The following KMT2D variants were observed in gnomAD, a reference collection of about 807,000 sequenced individuals.
The protein encoded by KMT2D is histone-lysine N-methyltransferase 2D.
KMT2D carries 55 observed loss-of-function variants against 512.7 expected under a neutral mutation model. The ratio of observed to expected loss-of-function variants is 0.11; its 90% confidence interval spans 0.09 to 0.13. KMT2D has a LOEUF of 0.13. Among genes scored for constraint, KMT2D ranks in the 10% least tolerant of loss-of-function variants. The pLI, the probability that KMT2D is intolerant of heterozygous loss-of-function variation, is 1.00. For synonymous variants in KMT2D, 2,995 were observed against 2,904.0 expected, an observed-to-expected ratio of 1.03 and a Z score of -1.01; for missense variants, 6,061 against 7,127.9, an observed-to-expected ratio of 0.85 and a Z score of 5.39.
intron 13 of KMT2D, 77 bp from the exon 14 acceptor site, chr12:49,048,846 G>A: frequency 1.0e-6 from 1 of 988,892 alleles, no homozygotes; most frequent in Non-Finnish European, 1.5e-6. Flanking sequence ...TGGTGTTGGG[G>A]GAAGAAAGTG....
chr12:49,040,022 G>T lies in KMT2D; in HGVS notation c.7748C>A (p.Ala2583Asp), dbSNP rs1330818551. 18 of 1,613,740 alleles carry T rather than the reference G, an allele frequency of 1.1e-5. No individual in the cohort carries two copies. Among genetic ancestry groups the T allele is most frequent in the Non-Finnish European group, 1.4e-5 (17 of 1,179,758 alleles). The part of the protein sequence containing the change: ...GKPQSTNYTV[A>D]TGNFHPSGSP... ...GCCCGATGGGTGGAAGTTCCCTGTG[G>T]CTACTGTGTAGTTTGTGCTTTGAGG... The change falls in exon 32 of 55, where the codon GCC becomes GAC. Residue 2583 changes from alanine (A) to aspartate (D), a missense_variant. Ala to Asp is a moderately radical substitution (Grantham distance 126). Transcript: ENST00000301067.
Position 49,019,058 on chromosome 12 carries a change from C to T in KMT2D, c.*2722G>A, listed in dbSNP as rs1164634558. 62 of 1,350,402 alleles carry T rather than the reference C, an allele frequency of 4.6e-5. No individual in the cohort carries two copies. The highest frequency in any genetic ancestry group is 5.7e-5 in the Non-Finnish European group (60 of 1,050,238). 83.7% of individuals were successfully genotyped at this position (1,350,402 alleles called of 1,614,324 possible). ...AATCCAAAACTTGCCCTTTGCCTCT[C>T]GCAACATAAATATGTACAGTTCAGA... On this transcript the variant is annotated 3_prime_UTR_variant, in exon 55 of 55. Transcript: ENST00000301067.
chr12:49,051,904 T>C lies in KMT2D; in HGVS notation c.1779A>G (p.Pro593=), dbSNP rs886042877. ...GTGGGAACAGACGAGATGCCTCCGGTGGTGGAGACATGGGTGACTCTTCAG... is the reference window on the plus strand; with the variant it reads ...GTGGGAACAGACGAGATGCCTCCGGCGGTGGAGACATGGGTGACTCTTCAG... The part of the protein sequence containing the change: ...PPPEESPMSP[P]PEASRLFPPF... Residue 593 remains proline, a synonymous_variant, in exon 11 of 55, where the codon CCA becomes CCG. Transcript: ENST00000301067. 1 of 1,610,862 alleles carries C rather than the reference T, an allele frequency of 6.2e-7. No individual in the cohort carries two copies. Among genetic ancestry groups the C allele is most frequent in the Admixed American group, 1.7e-5 (1 of 59,810 alleles).
chr12:49,035,997 C>T (rs1943196386), intron 35 of KMT2D: 1 of 152,240 alleles, frequency 6.6e-6, no homozygotes, highest in South Asian at 2.1e-4. Flanking sequence ...AGTTACTTAA[C>T]CTCCACTTCT....
Position 49,041,582 on chromosome 12 carries a change from G to A in KMT2D, c.6235-47C>T, listed in dbSNP as rs1299603728. 2 of 1,612,320 alleles carry A rather than the reference G, an allele frequency of 1.2e-6. No individual in the cohort carries two copies. Among genetic ancestry groups the A allele is most frequent in the Non-Finnish European group, 1.7e-6 (2 of 1,179,120 alleles). On this transcript the variant is annotated intron_variant, in intron 31 of 54. Coordinates refer to ENST00000301067, the MANE Select transcript of KMT2D (RefSeq NM_003482.4). The surrounding 1 kb of genome is among the most constrained non-coding windows in gnomAD (Gnocchi z 5.4). ...AGGGCAGTCAGGCTGCTGCAGGCAGGCCCCATGGCCCTCCACCCTCAAGAG... is the reference window on the plus strand; with the variant it reads ...AGGGCAGTCAGGCTGCTGCAGGCAGACCCCATGGCCCTCCACCCTCAAGAG...
Position 49,041,449 on chromosome 12 carries a change from G to A in KMT2D, c.6321C>T (p.Pro2107=), listed in dbSNP as rs1031804783. Residue 2107 remains proline, a synonymous_variant, in exon 32 of 55, where the codon CCC becomes CCT. Transcript: ENST00000301067. The surrounding 1 kb of genome is among the most constrained non-coding windows in gnomAD (Gnocchi z 5.4). ...TDRPALHLRI[P]PQPGALGSPP... The stretch of plus-strand genomic sequence containing the variant: ...GGCTGCCCAGTGCCCCTGGCTGCGG[G>A]GGAATGCGGAGATGTAGGGCCGGTC... 6 of 1,612,786 alleles carry A rather than the reference G, an allele frequency of 3.7e-6. No individual in the cohort carries two copies. The African/African-American group carries it at 6.7e-5, about 18-fold the overall frequency.
At chr12:49,025,809 C>T (rs1211912577) in intron 49 of KMT2D, among the ~76,000 whole-genome samples, 1 of 152,170 alleles carries the variant, frequency 6.6e-6, no homozygotes, top group East Asian at 1.9e-4. Flanking sequence ...ATCATTAACA[C>T]TAAAACTAAA....
chr12:49,049,289 G>A (rs1937770342), intron 12 of KMT2D, 71 bp from the exon 13 acceptor site: 1 of 974,946 alleles, frequency 1.0e-6, no homozygotes, highest in Non-Finnish European at 1.5e-6. Flanking sequence ...CACTTGAACA[G>A]AAGAAGTGAC....
chr12:49,022,883 G>A lies in KMT2D; in HGVS notation c.16053-8C>T, dbSNP rs1942393794. 5 of 1,577,488 alleles carry A rather than the reference G, an allele frequency of 3.2e-6. No individual in the cohort carries two copies. Among genetic ancestry groups the A allele is most frequent in the Non-Finnish European group, 4.3e-6 (5 of 1,158,722 alleles). On this transcript the variant is annotated splice_polypyrimidine_tract_variant and splice_region_variant and intron_variant, in intron 51 of 54. Coordinates refer to ENST00000301067, the MANE Select transcript of KMT2D (RefSeq NM_003482.4). The surrounding 1 kb of genome is among the most constrained non-coding windows in gnomAD (Gnocchi z 8.6). ...CTGTTCAGGGTATGGGGCCTGGGAG[G>A]TGATATAATCCATGACAAGACAGCT...
In KMT2D at chr12:49,037,693, G is replaced by A. The variant is rs1943288459; in HGVS notation, c.9663C>T (p.Thr3221=). ...EKFELESGAL[T]LPGGPAASGD... ...CAGATGCTGCAGGTCCACCAGGCAAGGTCAAAGCCCCACTCTCGAGCTCAA... is the reference window on the plus strand; with the variant it reads ...CAGATGCTGCAGGTCCACCAGGCAAAGTCAAAGCCCCACTCTCGAGCTCAA... The change falls in exon 35 of 55, where the codon ACC becomes ACT. Residue 3221 remains threonine (T), a synonymous_variant. Coordinates refer to ENST00000301067, the MANE Select transcript of KMT2D (RefSeq NM_003482.4). 1.9e-6 allele frequency: 3 copies of A among 1,586,126 alleles called. No individual in the cohort carries two copies. The African/African-American group carries it at 4.0e-5, about 21-fold the overall frequency.
Position 49,044,971 on chromosome 12 carries a change from TAAGAGGA to T in KMT2D, c.4742-13_4742-7del. ...GAAGCGAAAGTACTGGGGCTCTGCATAAGAGGAAAGAGTATGTGATCCCTGGATGGAA... is the reference window on the plus strand; with the variant it reads ...GAAGCGAAAGTACTGGGGCTCTGCATAAGAGTATGTGATCCCTGGATGGAA... On this transcript the variant is annotated splice_region_variant and splice_polypyrimidine_tract_variant and intron_variant, in intron 19 of 54. Coordinates refer to ENST00000301067, the MANE Select transcript of KMT2D (RefSeq NM_003482.4). This position sits in a 1 kb window ranked among gnomAD's most constrained non-coding sequence, Gnocchi z 6.4. 6.2e-7 allele frequency: 1 copy of T among 1,611,546 alleles called. No individual in the cohort carries two copies. Among genetic ancestry groups the T allele is most frequent in the Non-Finnish European group, 8.5e-7 (1 of 1,177,720 alleles).
At chr12:49,030,214 G>A in intron 43 of KMT2D, 66 bp downstream of exon 43, 6 of 1,388,946 alleles carry the variant, frequency 4.3e-6, no homozygotes, top group Non-Finnish European at 6.0e-6. Context: ...AAACTGTACA[G>A]CATACTAACT....
rs1187662303 is a variant in KMT2D at position 49,023,224 on chromosome 12, C to A, written c.16053-349G>T. 3.3e-5 allele frequency among the ~76,000 whole-genome samples: 5 copies of A among 152,178 alleles called. No homozygotes were observed. In the East Asian group the frequency reaches 7.7e-4, roughly 23 times the overall value. On this transcript the variant is annotated intron_variant, in intron 51 of 54. Coordinates refer to ENST00000301067, the MANE Select transcript of KMT2D (RefSeq NM_003482.4). Reference sequence around the variant, plus strand: ...CTGCCAAACCATTCTCAAGGCCATGCTCCTCTGGGAAGTTTTCCGCAAGCA... The same window carrying A: ...CTGCCAAACCATTCTCAAGGCCATGATCCTCTGGGAAGTTTTCCGCAAGCA...
At chr12:49,053,455 C>T (rs764010033) in intron 7 of KMT2D, 21 bp downstream of exon 7, 10 of 1,610,734 alleles carry the variant, frequency 6.2e-6, no homozygotes, top group African/African-American at 2.7e-5. Flanking sequence ...TAAGACTTTC[C>T]TCCTGCCCTT....
In KMT2D at chr12:49,034,063, C is replaced by T. The variant is rs749084376; in HGVS notation, c.10740+4G>A. ...GTGCTAGGCTGAAGTTTGCTTTCCC[C>T]CACCTGATCCAGTTGTTTCTGGATC... On this transcript the variant is annotated splice_donor_region_variant and intron_variant, in intron 39 of 54. Transcript: ENST00000301067. 1 of 1,610,882 alleles carries T rather than the reference C, an allele frequency of 6.2e-7. No homozygotes were observed. Among genetic ancestry groups the T allele is most frequent in the Admixed American group, 1.7e-5 (1 of 59,834 alleles).
Position 49,019,414 on chromosome 12 carries a change from T to C in KMT2D, c.*2366A>G, listed in dbSNP as rs1942191902. ...TGATGCAATTATACAGGCAGGGTAC[T>C]TAAAAAAAAAACCAACCAAAATTCC... On this transcript the variant is annotated 3_prime_UTR_variant, in exon 55 of 55. Transcript: ENST00000301067. The C allele has an allele frequency of 4.6e-6, 1 of 219,446 alleles. No homozygotes were observed. Among genetic ancestry groups the C allele is most frequent in the East Asian group, 6.6e-5 (1 of 15,056 alleles). 13.6% of individuals were successfully genotyped at this position (219,446 alleles called of 1,614,324 possible).
Position 49,046,373 on chromosome 12 carries a change from T to C in KMT2D, c.4470A>G (p.Glu1490=), listed in dbSNP as rs769291920. The part of the protein sequence containing the change: ...CGAASPGFHC[E]WQNSYTHCGP... Reference sequence around the variant, plus strand: ...CACAGTGTGTGTAACTATTCTGCCATTCACAGTGGAAGCCAGGGGAAGCAG... The same window carrying C: ...CACAGTGTGTGTAACTATTCTGCCACTCACAGTGGAAGCCAGGGGAAGCAG... Residue 1490 remains glutamate, a synonymous_variant, in exon 17 of 55, where the codon GAA becomes GAG. Coordinates refer to ENST00000301067, the MANE Select transcript of KMT2D (RefSeq NM_003482.4). The surrounding 1 kb of genome is among the most constrained non-coding windows in gnomAD (Gnocchi z 4.2). The C allele has an allele frequency of 2.5e-6, 4 of 1,613,946 alleles. No homozygotes were observed. Among genetic ancestry groups the C allele is most frequent in the South Asian group, 2.2e-5 (2 of 91,086 alleles).
In KMT2D at chr12:49,020,752, G is replaced by A. The variant is rs1227922418; in HGVS notation, c.*1028C>T. The A allele has an allele frequency of 5.8e-5, 12 of 207,328 alleles. No individual in the cohort carries two copies. Among genetic ancestry groups the A allele is most frequent in the Admixed American group, 1.2e-4 (2 of 16,874 alleles). 12.8% of individuals were successfully genotyped at this position (207,328 alleles called of 1,614,324 possible). On this transcript the variant is annotated 3_prime_UTR_variant, in exon 55 of 55. Coordinates refer to ENST00000301067, the MANE Select transcript of KMT2D (RefSeq NM_003482.4). ...CCTCACCCTACCCCCCACCCAACCCGTCCAGGGGCTGGAGGGCAAACAGGC... is the reference window on the plus strand; with the variant it reads ...CCTCACCCTACCCCCCACCCAACCCATCCAGGGGCTGGAGGGCAAACAGGC...
rs1324660476 is a variant in KMT2D, at chr12:49,031,162, T to C, written c.13530+13A>G. 2 of 1,607,018 alleles carry C rather than the reference T, an allele frequency of 1.2e-6. No homozygotes were observed. Among genetic ancestry groups the C allele is most frequent in the Non-Finnish European group, 8.5e-7 (1 of 1,176,074 alleles). ...ACCCACTCTACCTGCTCCACTCTAC[T>C]CAGAGTACTCACCTCCTTGTTGCTG... On this transcript the variant is annotated intron_variant, in intron 40 of 54. Transcript: ENST00000301067.
Sources: gnomAD v4.1 joint callset for allele counts (sites outside exome capture counted in the v4.1 genomes callset) on GRCh38, gnomAD v4.1.1 for gene constraint, Gnocchi (gnomAD v3.1) non-coding constraint, MANE v1.5 for transcripts, NCBI Gene and HGNC (gene_info 2026-07-23, HGNC 2026-07-21) for gene names.